Variants in PIK3CB observed in about 807,000 individuals in gnomAD.
PIK3CB encodes the protein phosphatidylinositol-4,5-bisphosphate 3-kinase catalytic subunit beta.
Under a neutral mutation model 136.8 loss-of-function variants are expected in PIK3CB, and 39 were observed. That is an observed-to-expected ratio of 0.29 (90% CI 0.22 to 0.37). The LOEUF is 0.37. Ranked by LOEUF, PIK3CB falls within the 10% of genes least tolerant of loss-of-function variation. The pLI is 1.00. For synonymous variants in PIK3CB, 428 were observed against 436.6 expected, an observed-to-expected ratio of 0.98 and a Z score of 0.25; for missense variants, 868 against 1,275.4, an observed-to-expected ratio of 0.68 and a Z score of 4.87.
At chr3:138,739,955 T>C (rs1391860110) in intron 5 of PIK3CB, among the ~76,000 whole-genome samples, 4 of 151,898 alleles carry the variant, frequency 2.6e-5, no homozygotes, top group Non-Finnish European at 2.9e-5. Flanking sequence ...TCTCCTCTTC[T>C]GCTACGTAAG....
intron 9 of PIK3CB, among the ~76,000 whole-genome samples, chr3:138,713,817 A>G (rs976612295): frequency 2.0e-5 from 3 of 152,228 alleles, no homozygotes; most frequent in African/African-American, 7.2e-5. Flanking sequence ...CTGAAAACAT[A>G]ACATGGAAGA....
chr3:138,799,582 T>C (rs1304486060), intron 1 of PIK3CB, among the ~76,000 whole-genome samples: 1 of 152,162 alleles, frequency 6.6e-6, no homozygotes, highest in Non-Finnish European at 1.5e-5. Flanking sequence ...GTTACAACTA[T>C]GAACTACTAA....
chr3:138,818,585 C>T (rs550733431), intron 1 of PIK3CB, among the ~76,000 whole-genome samples: 2 of 152,274 alleles, frequency 1.3e-5, no homozygotes, highest in African/African-American at 4.8e-5. Context: ...CAAGGTGCTG[C>T]ATGGACTCTA....
chr3:138,804,142 CA>C (rs1033762388), intron 1 of PIK3CB, among the ~76,000 whole-genome samples: 1 of 151,712 alleles, frequency 6.6e-6, no homozygotes, highest in South Asian at 2.1e-4. Context: ...TCCATCTCTA[CA>C]AAAAATTTTT....
intron 11 of PIK3CB, among the ~76,000 whole-genome samples, chr3:138,705,554 A>G (rs2044363161): frequency 6.6e-6 from 1 of 152,226 alleles, no homozygotes; most frequent in African/African-American, 2.4e-5. Flanking sequence ...AACTTGAAAT[A>G]AAAAATTACT....
chr3:138,682,704 T>C (rs1047140128), intron 18 of PIK3CB, among the ~76,000 whole-genome samples: 5 of 152,204 alleles, frequency 3.3e-5, no homozygotes, highest in South Asian at 2.1e-4. Flanking sequence ...ATAATGACAT[T>C]TGTATGGTCA....
rs76960326 is a variant in PIK3CB at position 138,769,220 on chromosome 3, C to T, written c.-16-9861G>A. 6.7e-3 allele frequency among the ~76,000 whole-genome samples: 1,023 copies of T among 152,310 alleles called. 6 individuals carry two copies. The highest frequency in any genetic ancestry group is 0.023 in the African/African-American group (948 of 41,558). ...GCAGCAGCTGTTCTAGACGGTCCAC[C>T]GCTGCCATCACTACTATTTCTCAAA... is the stretch of plus-strand genomic sequence containing the variant. On this transcript the variant is annotated intron_variant, in intron 2 of 23. Coordinates refer to ENST00000674063, the MANE Select transcript of PIK3CB (RefSeq NM_006219.3).
chr3:138,832,830 CAAAAAA>C (rs1219182171), intron 1 of PIK3CB, among the ~76,000 whole-genome samples: 2 of 52,718 alleles, frequency 3.8e-5, no homozygotes, highest in African/African-American at 1.4e-4. Context: ...AACTCCGTCT[CAAAAAA>C]AAAAAAAAAA....
At chr3:138,735,618 G>A (rs1009489991) in intron 6 of PIK3CB, among the ~76,000 whole-genome samples, 3 of 151,950 alleles carry the variant, frequency 2.0e-5, no homozygotes, top group Non-Finnish European at 4.4e-5. Flanking sequence ...AAAACCTACC[G>A]ATCATCCCAG....
chr3:138,813,001 G>A (rs760825371), intron 1 of PIK3CB, among the ~76,000 whole-genome samples: 16 of 152,182 alleles, frequency 1.1e-4, no homozygotes, highest in Non-Finnish European at 2.1e-4. Flanking sequence ...TTTCGTGGCT[G>A]TGGTATCTTT....
chr3:138,819,673 T>C (rs1232940991), intron 1 of PIK3CB, among the ~76,000 whole-genome samples: 1 of 152,066 alleles, frequency 6.6e-6, no homozygotes, highest in African/African-American at 2.4e-5. Context: ...TCATCATCTT[T>C]TAAAAACTTC....
intron 7 of PIK3CB, 40 bp from the exon 8 acceptor site, chr3:138,733,478 AG>A: frequency 1.0e-6 from 1 of 996,758 alleles, no homozygotes; most frequent in Non-Finnish European, 1.5e-6. Flanking sequence ...TTTTAATGAA[AG>A]AAATGAATAT....
chr3:138,741,371 T>A (rs1290376723), intron 5 of PIK3CB, among the ~76,000 whole-genome samples: 10 of 152,228 alleles, frequency 6.6e-5, no homozygotes, highest in Admixed American at 6.5e-4. Flanking sequence ...GCTTGTAAGG[T>A]TGGTGTGGGA....
At chr3:138,718,249 T>C (rs1465142040) in intron 8 of PIK3CB, among the ~76,000 whole-genome samples, 5 of 152,240 alleles carry the variant, frequency 3.3e-5, no homozygotes, top group African/African-American at 1.2e-4. Context: ...TATCTCATTG[T>C]GGTTTTGATT....
At chr3:138,797,479 T>C (rs1264850392) in intron 1 of PIK3CB, among the ~76,000 whole-genome samples, 2 of 152,140 alleles carry the variant, frequency 1.3e-5, no homozygotes, top group Non-Finnish European at 2.9e-5. Context: ...TTACATATAT[T>C]ACAATTATTT....
intron 1 of PIK3CB, among the ~76,000 whole-genome samples, chr3:138,824,535 C>G (rs1933696329): frequency 6.6e-6 from 1 of 151,946 alleles, no homozygotes. Context: ...TGGCTCATCC[C>G]TGTAATCCCA....
At chr3:138,784,665 G>A (rs553617726) in intron 2 of PIK3CB, among the ~76,000 whole-genome samples, 6 of 152,286 alleles carry the variant, frequency 3.9e-5, no homozygotes, top group South Asian at 2.1e-4. Flanking sequence ...TCCTGACCGC[G>A]AGTGATCTGC....
intron 1 of PIK3CB, among the ~76,000 whole-genome samples, chr3:138,834,270 G>A (rs1934170660): frequency 6.6e-6 from 1 of 152,220 alleles, no homozygotes; most frequent in South Asian, 2.1e-4. Flanking sequence ...AATAACCCTG[G>A]GTCCACGCCT....
chr3:138,811,159 G>A lies in PIK3CB; in HGVS notation c.-121-14592C>T, dbSNP rs1933026600. Reference sequence around the variant, plus strand: ...GGAGACTCGCTTGAACCTGGGAGGCGAGGGTTGCAGTGAGCAGAGGTTGCA... The same window carrying A: ...GGAGACTCGCTTGAACCTGGGAGGCAAGGGTTGCAGTGAGCAGAGGTTGCA... On this transcript the variant is annotated intron_variant, in intron 1 of 23. Coordinates refer to ENST00000674063, the MANE Select transcript of PIK3CB (RefSeq NM_006219.3). Among the ~76,000 whole-genome samples, 3 of 145,742 alleles carry A rather than the reference G, an allele frequency of 2.1e-5. No individual in the cohort carries two copies. In the Admixed American group the frequency reaches 2.1e-4, roughly 10 times the overall value.
Sources: gnomAD v4.1 joint callset for allele counts (sites outside exome capture counted in the v4.1 genomes callset) on GRCh38, gnomAD v4.1.1 for gene constraint, MANE v1.5 for transcripts, NCBI Gene and HGNC (gene_info 2026-07-23, HGNC 2026-07-21) for gene names.